The following TTC28 variants were observed in gnomAD, a reference collection of about 807,000 sequenced individuals.
TTC28 encodes the protein tetratricopeptide repeat protein 28.
In TTC28, 61 loss-of-function variants were observed where a neutral mutation model predicts 198.0. The ratio of observed to expected loss-of-function variants is 0.31; its 90% confidence interval spans 0.25 to 0.38. The LOEUF is 0.38. Among genes scored for constraint, TTC28 ranks in the 10% least tolerant of loss-of-function variants. The probability of loss-of-function intolerance (pLI) is 1.00; values close to 1 mark genes in which losing one functional copy is unlikely to be tolerated. For synonymous variants in TTC28, 1,171 were observed against 1,297.8 expected (o/e 0.90, Z 2.10); for missense variants, 2,678 against 3,164.0 (o/e 0.85, Z 3.69).
intron 13 of TTC28, among the ~76,000 whole-genome samples, chr22:28,029,413 C>T (rs9625388): frequency 0.069 from 10,502 of 152,292 alleles, 425 homozygotes; most frequent in South Asian, 0.09. Context: ...TGCACAGTCA[C>T]TTCCTGCCTG....
rs1569009000 is a variant in TTC28, at chr22:28,537,301, A to ATAACATAACATAACATAAC, written c.381+92250_381+92251insGTTATGTTATGTTATGTTA. Among the ~76,000 whole-genome samples the ATAACATAACATAACATAAC allele has an allele frequency of 5.6e-4, 69 of 124,158 alleles. 5 individuals are homozygous for ATAACATAACATAACATAAC. The highest frequency in any genetic ancestry group is 3.7e-3 in the South Asian group (16 of 4,314). 81.5% of individuals were successfully genotyped at this position (124,158 alleles called of 152,430 possible). ...GAGCCAGACTCCGTCTCAAAAATAA[A>ATAACATAACATAACATAAC]ATAAAATAAAATAAAATAAAATAAA... On this transcript the variant is annotated intron_variant, in intron 2 of 22. Transcript: ENST00000397906.
intron 5 of TTC28, among the ~76,000 whole-genome samples, chr22:28,192,959 T>C (rs1203023245): frequency 6.6e-6 from 1 of 152,114 alleles, no homozygotes; most frequent in Non-Finnish European, 1.5e-5. Context: ...AGATACGCCT[T>C]GACAAGAGCA....
chr22:28,107,892 C>T lies in TTC28; in HGVS notation c.1953G>A (p.Gln651=), dbSNP rs2146901996. The T allele has an allele frequency of 6.4e-7, 1 of 1,551,750 alleles. No individual in the cohort carries two copies. Among genetic ancestry groups the T allele is most frequent in the Admixed American group, 2.0e-5 (1 of 51,002 alleles). ...GYAHYCLGNY[Q]EAVKYYEQDL... is the part of the protein sequence containing the mutation. ...CCTGTTCGTAGTACTTCACTGCCTC[C>T]TGATAGTTTCCAAGGCAGTAATGGG... Residue 651 remains glutamine, a synonymous_variant, in exon 7 of 23, where the codon CAG becomes CAA. Transcript: ENST00000397906.
intron 9 of TTC28, among the ~76,000 whole-genome samples, chr22:28,100,555 C>T (rs1478680222): frequency 6.6e-6 from 1 of 152,230 alleles, no homozygotes; most frequent in East Asian, 1.9e-4. Context: ...ATCTCTTCAA[C>T]TCTTGTGAGC....
intron 14 of TTC28, among the ~76,000 whole-genome samples, chr22:28,012,364 T>A (rs1938196010): frequency 6.6e-6 from 1 of 152,090 alleles, no homozygotes; most frequent in Admixed American, 6.5e-5. Context: ...CATGCAAGGA[T>A]GTGATCGGAT....
chr22:28,176,219 T>C (rs1309930512), intron 5 of TTC28, among the ~76,000 whole-genome samples: 1 of 152,070 alleles, frequency 6.6e-6, no homozygotes. Flanking sequence ...TACAATGAAA[T>C]ATGATTCAAT....
intron 21 of TTC28, chr22:27,985,583 T>C: frequency 2.4e-6 from 1 of 418,966 alleles, no homozygotes; most frequent in South Asian, 2.7e-5. Flanking sequence ...ATTTGGCGTG[T>C]GTGTGGCTCT....
chr22:28,169,635 A>T (rs967343731), intron 5 of TTC28, among the ~76,000 whole-genome samples: 6 of 152,092 alleles, frequency 3.9e-5, no homozygotes, highest in Non-Finnish European at 7.3e-5. Context: ...ACACATGGAC[A>T]CAGGAAGGGG....
chr22:28,464,644 T>G (rs2047994526), intron 2 of TTC28, among the ~76,000 whole-genome samples: 1 of 152,340 alleles, frequency 6.6e-6, no homozygotes, highest in Non-Finnish European at 1.5e-5. Flanking sequence ...AGCTGAATCT[T>G]CTTTAGAACA....
rs927476538 is a variant in TTC28 at position 28,085,158 on chromosome 22, G to T, written c.3932+8922C>A. Reference sequence around the variant, plus strand: ...AACATTCAAATTCAGGAAATACAGAGAATGCCAGAAAGATACTCCCCGAGA... The same window carrying T: ...AACATTCAAATTCAGGAAATACAGATAATGCCAGAAAGATACTCCCCGAGA... On this transcript the variant is annotated intron_variant, in intron 12 of 22. Coordinates refer to ENST00000397906, the MANE Select transcript of TTC28 (RefSeq NM_001145418.2). 3.9e-5 allele frequency among the ~76,000 whole-genome samples: 6 copies of T among 151,908 alleles called. 1 individual carries two copies. Among genetic ancestry groups the T allele is most frequent in the African/African-American group, 1.5e-4 (6 of 41,366 alleles).
intron 2 of TTC28, among the ~76,000 whole-genome samples, chr22:28,486,789 G>A (rs1197702978): frequency 2.0e-5 from 3 of 152,036 alleles, no homozygotes; most frequent in African/African-American, 7.2e-5. Flanking sequence ...CCATTTTCAC[G>A]TAGGTACAAA....
At chr22:28,040,326 C>T (rs540365810) in intron 12 of TTC28, among the ~76,000 whole-genome samples, 3 of 152,120 alleles carry the variant, frequency 2.0e-5, no homozygotes, top group Non-Finnish European at 4.4e-5. Flanking sequence ...AACATCAGTG[C>T]GAAAATCCTC....
At chr22:28,486,870 A>T (rs1390986739) in intron 2 of TTC28, among the ~76,000 whole-genome samples, 3 of 152,206 alleles carry the variant, frequency 2.0e-5, no homozygotes, top group Non-Finnish European at 4.4e-5. Context: ...CCATGTATAT[A>T]AAGCATCTGG....
intron 5 of TTC28, among the ~76,000 whole-genome samples, chr22:28,175,793 C>A (rs1923113917): frequency 6.6e-6 from 1 of 151,882 alleles, no homozygotes; most frequent in South Asian, 2.1e-4. Flanking sequence ...AGAAGACATA[C>A]AAATGGCCAA....
intron 5 of TTC28, among the ~76,000 whole-genome samples, chr22:28,287,879 G>T (rs1173446873): frequency 6.6e-6 from 1 of 152,052 alleles, no homozygotes; most frequent in Non-Finnish European, 1.5e-5. Flanking sequence ...TTAAAACAGG[G>T]CTTCACAAAT....
chr22:28,549,273 C>T (rs1211601789), intron 2 of TTC28, among the ~76,000 whole-genome samples: 1 of 152,166 alleles, frequency 6.6e-6, no homozygotes, highest in African/African-American at 2.4e-5. Flanking sequence ...AGGTGATCTA[C>T]CCACCTAAGC....
At chr22:28,420,569 A>C (rs1207615198) in intron 2 of TTC28, among the ~76,000 whole-genome samples, 1 of 150,170 alleles carries the variant, frequency 6.7e-6, no homozygotes, top group African/African-American at 2.4e-5. Flanking sequence ...AAAATGCAAA[A>C]AAAAAAAAAA....
In TTC28 at chr22:28,230,172, A is replaced by T. The variant is rs192316823; in HGVS notation, c.933+66026T>A. Reference sequence around the variant, plus strand: ...AAGGTAACAAAATCTGACAGAGAAAAATTCAGTCTCCTTTTCTACTTGTAA... The same window carrying T: ...AAGGTAACAAAATCTGACAGAGAAATATTCAGTCTCCTTTTCTACTTGTAA... On this transcript the variant is annotated intron_variant, in intron 5 of 22. Coordinates refer to ENST00000397906, the MANE Select transcript of TTC28 (RefSeq NM_001145418.2). 1.2e-3 allele frequency among the ~76,000 whole-genome samples: 183 copies of T among 152,318 alleles called. 1 individual carries two copies. Among genetic ancestry groups the T allele is most frequent in the African/African-American group, 4.2e-3 (173 of 41,592 alleles).
chr22:28,117,044 G>A (rs778011685), intron 6 of TTC28, among the ~76,000 whole-genome samples: 4 of 152,160 alleles, frequency 2.6e-5, no homozygotes, highest in African/African-American at 4.8e-5. Flanking sequence ...TTTCCCACTC[G>A]TGAGAAGTTA....
Sources: allele counts gnomAD v4.1 joint callset (sites outside exome capture counted in the v4.1 genomes callset), GRCh38; gene constraint gnomAD v4.1.1; transcripts MANE v1.5; gene names NCBI Gene and HGNC (gene_info 2026-07-23, HGNC 2026-07-21).